The following TMED7 variants were observed in gnomAD, a reference collection of about 807,000 sequenced individuals.
TMED7 encodes the protein transmembrane emp24 domain-containing protein 7.
In TMED7, 8 loss-of-function variants were observed where a neutral mutation model predicts 23.4. That is an observed-to-expected ratio of 0.34 (90% CI 0.20 to 0.62). The LOEUF (loss-of-function observed/expected upper bound fraction) is 0.62, where lower values mean the gene tolerates loss of function less well. Ranked by LOEUF, TMED7 falls within the 20% of genes least tolerant of loss-of-function variation. TMED7 has a pLI of 0.77. For synonymous variants in TMED7, 121 were observed against 108.5 expected (o/e 1.12, Z -0.72); for missense variants, 232 against 279.1 (o/e 0.83, Z 1.20).
chr5:115,622,888 C>T (rs146583859), intron 1 of TMED7, among the ~76,000 whole-genome samples: 91 of 152,334 alleles, frequency 6.0e-4, no homozygotes, highest in South Asian at 1.0e-3. Flanking sequence ...TACATCTGCA[C>T]TGACAGTGCA....
At position 115,624,879 on chromosome 5, in the gene TMED7, G is replaced by C. The variant is rs920413065; in HGVS notation, c.192+722C>G. 1.2e-4 allele frequency among the ~76,000 whole-genome samples: 19 copies of C among 152,228 alleles called. 1 individual carries two copies. The highest frequency in any genetic ancestry group is 2.1e-4 in the Non-Finnish European group (14 of 68,036). ...AGATACCAGTTAAGAAAAGCAGGGT[G>C]AGAGGGGAATCATGAATGATGGCAG... On this transcript the variant is annotated intron_variant, in intron 1 of 2. Coordinates refer to ENST00000456936, the MANE Select transcript of TMED7 (RefSeq NM_181836.6).
In TMED7 at chr5:115,616,419, G is replaced by A. The variant is rs747229976; in HGVS notation, c.465C>T (p.His155=). 102 of 1,614,026 alleles carry A rather than the reference G, an allele frequency of 6.3e-5. No individual in the cohort carries two copies. Among genetic ancestry groups the A allele is most frequent in the Non-Finnish European group, 8.2e-5 (97 of 1,180,006 alleles). ...TQMESACVSI[H]EALKSVIDYQ... ...AATCGATGACAGACTTCAGAGCTTC[G>A]TGAATTGAAACACAGGCAGATTCCA... Residue 155 remains histidine (H), a synonymous_variant, in exon 3 of 3, where the codon CAC becomes CAT. Coordinates refer to ENST00000456936, the MANE Select transcript of TMED7 (RefSeq NM_181836.6).
intron 2 of TMED7, chr5:115,620,177 T>C (rs1756974975): frequency 1.5e-5 from 5 of 330,794 alleles, no homozygotes; most frequent in Non-Finnish European, 4.9e-6. Context: ...ACCACTGATG[T>C]TTCTACCTTA....
At chr5:115,621,272 T>C (rs1757019697) in intron 1 of TMED7, among the ~76,000 whole-genome samples, 2 of 152,212 alleles carry the variant, frequency 1.3e-5, no homozygotes, top group Non-Finnish European at 2.9e-5. Flanking sequence ...ATTACATTTA[T>C]TAAGTTCTTT....
chr5:115,620,404 C>G (rs370570845), intron 2 of TMED7, 31 bp downstream of exon 2: 1 of 1,460,114 alleles, frequency 6.8e-7, no homozygotes, highest in Non-Finnish European at 9.0e-7. Flanking sequence ...TTTAAATATA[C>G]CAACATTATA....
chr5:115,622,143 G>T (rs1319654972), intron 1 of TMED7, among the ~76,000 whole-genome samples: 1 of 152,082 alleles, frequency 6.6e-6, no homozygotes, highest in African/African-American at 2.4e-5. Context: ...TTGCTATACT[G>T]AATTATACGT....
Position 115,623,099 on chromosome 5 carries a change from A to C in TMED7, c.193-2419T>G, listed in dbSNP as rs548774174. On this transcript the variant is annotated intron_variant, in intron 1 of 2. Coordinates refer to ENST00000456936, the MANE Select transcript of TMED7 (RefSeq NM_181836.6). Reference sequence around the variant, plus strand: ...GGCTAAGAATTTAACTTGGGACTGAAAAGAGCCCCAAAAGGAAAAGAATAT... The same window carrying C: ...GGCTAAGAATTTAACTTGGGACTGACAAGAGCCCCAAAAGGAAAAGAATAT... Among the ~76,000 whole-genome samples, 3 of 152,278 alleles carry C rather than the reference A, an allele frequency of 2.0e-5. No homozygotes were observed. The South Asian group carries it at 6.2e-4, about 32-fold the overall frequency.
At position 115,625,614 on chromosome 5, in the gene TMED7, G is replaced by A. The variant is rs1561592628; in HGVS notation, c.179C>T (p.Thr60Ile). 3 of 1,587,230 alleles carry A rather than the reference G, an allele frequency of 1.9e-6. No individual in the cohort carries two copies. The highest frequency in any genetic ancestry group is 8.6e-7 in the Non-Finnish European group (1 of 1,167,466). ...YEDIAQGTKCTLEFQVITGGH... is the reference protein window; with the variant it reads ...YEDIAQGTKCILEFQVITGGH... ...GGCCCCTGATACCTGGAACTCCAGG[G>A]TGCACTTGGTGCCCTGAGCGATGTC... The change falls in exon 1 of 3, where the codon ACC becomes ATC. Residue 60 changes from threonine to isoleucine, a missense_variant. Physicochemically the swap from Thr to Ile is moderately conservative, Grantham distance 89. Coordinates refer to ENST00000456936, the MANE Select transcript of TMED7 (RefSeq NM_181836.6).
rs1182273289 is a variant in TMED7, at chr5:115,616,208, G to A, written c.*1C>T. On this transcript the variant is annotated 3_prime_UTR_variant, in exon 3 of 3. Coordinates refer to ENST00000456936, the MANE Select transcript of TMED7 (RefSeq NM_181836.6). Reference sequence around the variant, plus strand: ...ATGGTGCATCAATTCTCAAAACGTAGTTATGATCCAACACGAGTTGTGGTG... The same window carrying A: ...ATGGTGCATCAATTCTCAAAACGTAATTATGATCCAACACGAGTTGTGGTG... 6.8e-6 allele frequency: 11 copies of A among 1,613,464 alleles called. No individual in the cohort carries two copies. In the African/African-American group the frequency reaches 1.1e-4, roughly 16 times the overall value.
rs1554094895 is a variant in TMED7 at position 115,614,957 on chromosome 5, ATATC to A, written c.*1248_*1251del. 1.3e-5 allele frequency: 2 copies of A among 152,050 alleles called. No homozygotes were observed. Among genetic ancestry groups the A allele is most frequent in the African/African-American group, 2.4e-5 (1 of 41,434 alleles). The allele number at this position is 152,050 out of a possible 1,614,324, so 9.4% of individuals were successfully genotyped here. A position where few individuals can be genotyped will look rare whatever the true frequency, so the allele number is the denominator to read the frequency against. On this transcript the variant is annotated 3_prime_UTR_variant, in exon 3 of 3. Transcript: ENST00000456936. The stretch of plus-strand genomic sequence containing the variant: ...AAAAAAAACAGCAGAAAAGCTTTAA[ATATC>A]TATATAATTTTGAATCATCTTGTAT...
intron 2 of TMED7, among the ~76,000 whole-genome samples, chr5:115,619,491 T>C (rs1393301993): frequency 6.6e-6 from 1 of 152,164 alleles, no homozygotes; most frequent in African/African-American, 2.4e-5. Context: ...AGATACGATC[T>C]AAGCCCATAC....
chr5:115,621,309 T>G (rs1357821491), intron 1 of TMED7, among the ~76,000 whole-genome samples: 1 of 152,218 alleles, frequency 6.6e-6, no homozygotes. Flanking sequence ...GAATTTGATA[T>G]ACATTTTGTT....
At chr5:115,624,905 T>C (rs1250283053) in intron 1 of TMED7, among the ~76,000 whole-genome samples, 3 of 152,260 alleles carry the variant, frequency 2.0e-5, no homozygotes, top group Non-Finnish European at 2.9e-5. Context: ...ATGATGGCAG[T>C]GACCCTATCT....
Position 115,625,948 on chromosome 5 carries a change from C to G in TMED7, c.-156G>C. Reference sequence around the variant, plus strand: ...TGGGAGATTCGGGATCAGAGCGACCCTCCGGCTTCCTGTGAGGGGCGCAGA... The same window carrying G: ...TGGGAGATTCGGGATCAGAGCGACCGTCCGGCTTCCTGTGAGGGGCGCAGA... On this transcript the variant is annotated 5_prime_UTR_variant, in exon 1 of 3. Coordinates refer to ENST00000456936, the MANE Select transcript of TMED7 (RefSeq NM_181836.6). 21 of 1,090,432 alleles carry G rather than the reference C, an allele frequency of 1.9e-5. No individual in the cohort carries two copies. Among genetic ancestry groups the G allele is most frequent in the Non-Finnish European group, 2.5e-5 (21 of 849,252 alleles). The allele number at this position is 1,090,432 out of a possible 1,614,324, so 67.5% of individuals were successfully genotyped here.
Position 115,618,122 on chromosome 5 carries a change from T to G in TMED7, c.439-1677A>C, listed in dbSNP as rs13173913. 7.0e-3 allele frequency among the ~76,000 whole-genome samples: 1,073 copies of G among 152,310 alleles called. 4 individuals carry two copies. Among genetic ancestry groups the G allele is most frequent in the Non-Finnish European group, 0.01 (701 of 68,020 alleles). On this transcript the variant is annotated intron_variant, in intron 2 of 2. Coordinates refer to ENST00000456936, the MANE Select transcript of TMED7 (RefSeq NM_181836.6). ...TGTGATTTTTAAAAAACTTTTACAG[T>G]GAAAACTTCCATATATATTCAAAAG...
intron 2 of TMED7, among the ~76,000 whole-genome samples, chr5:115,616,865 A>T (rs1447285463): frequency 6.6e-6 from 1 of 152,230 alleles, no homozygotes; most frequent in Non-Finnish European, 1.5e-5. Context: ...TATCTATAAA[A>T]ATAAACAAAG....
In TMED7 at chr5:115,625,618, A is replaced by C; in HGVS notation, c.175T>G (p.Cys59Gly). 2 of 1,588,510 alleles carry C rather than the reference A, an allele frequency of 1.3e-6. No individual in the cohort carries two copies. Among genetic ancestry groups the C allele is most frequent in the South Asian group, 2.3e-5 (2 of 87,792 alleles). The change falls in exon 1 of 3, where the codon TGC becomes GGC. Residue 59 changes from cysteine (C) to glycine (G), a missense_variant. Cys to Gly is a radical substitution (Grantham distance 159). Transcript: ENST00000456936. ...CCTGATACCTGGAACTCCAGGGTGC[A>C]CTTGGTGCCCTGAGCGATGTCCTCG... ...FYEDIAQGTK[C>G]TLEFQVITGG...
intron 1 of TMED7, among the ~76,000 whole-genome samples, chr5:115,623,474 T>G (rs1312926282): frequency 1.3e-5 from 2 of 152,228 alleles, no homozygotes; most frequent in African/African-American, 4.8e-5. Flanking sequence ...CCCAAAGCCC[T>G]TGGACTCACA....
intron 1 of TMED7, among the ~76,000 whole-genome samples, chr5:115,623,010 C>T (rs1757088364): frequency 6.6e-6 from 1 of 152,138 alleles, no homozygotes; most frequent in African/African-American, 2.4e-5. Flanking sequence ...CATTATACGA[C>T]TATATATGTC....
Sources: gnomAD v4.1 joint callset for allele counts (sites outside exome capture counted in the v4.1 genomes callset) on GRCh38, gnomAD v4.1.1 for gene constraint, MANE v1.5 for transcripts, NCBI Gene and HGNC (gene_info 2026-07-23, HGNC 2026-07-21) for gene names.